NOB1: variants seen among roughly 807,000 people sequenced by gnomAD.
NOB1 encodes RNA-binding protein NOB1.
Under a neutral mutation model 44.8 loss-of-function variants are expected in NOB1, and 44 were observed. The observed-to-expected ratio is 0.98, with a 90% CI of 0.77 to 1.26. The LOEUF is 1.26. Among genes scored for constraint, NOB1 ranks in the 50% most tolerant of loss-of-function variants. NOB1 has a pLI of 0.00. For synonymous variants in NOB1, 238 were observed against 218.7 expected (o/e 1.09, Z -0.78); for missense variants, 560 against 544.8 (o/e 1.03, Z -0.28).
chr16:69,744,034 G>T (rs536781653), intron 8 of NOB1, among the ~76,000 whole-genome samples: 29 of 152,334 alleles, frequency 1.9e-4, no homozygotes, highest in Admixed American at 3.9e-4. Flanking sequence ...CGGGTAAACA[G>T]GAATTATTAG....
At chr16:69,752,172 C>T (rs2038488066) in intron 3 of NOB1, 69 bp downstream of exon 3, 1 of 1,478,956 alleles carries the variant, frequency 6.8e-7, no homozygotes, top group Non-Finnish European at 9.4e-7. Flanking sequence ...TTACACTAGT[C>T]CTTCTACTTT....
intron 2 of NOB1, among the ~76,000 whole-genome samples, chr16:69,754,056 C>CGGTCTCCCA (rs2038504210): frequency 6.6e-6 from 1 of 152,210 alleles, no homozygotes; most frequent in African/African-American, 2.4e-5. Context: ...GCGCCCGCCT[C>CGGTCTCCCA]GGTCTCCCAG....
intron 2 of NOB1, among the ~76,000 whole-genome samples, chr16:69,753,804 T>A (rs188833133): frequency 6.6e-6 from 1 of 152,168 alleles, no homozygotes; most frequent in Admixed American, 6.5e-5. Flanking sequence ...TCTTTAATTT[T>A]CTTTATTTCT....
At chr16:69,754,451 C>T (rs2038507511) in intron 2 of NOB1, 143 bp downstream of exon 2, 1 of 1,173,188 alleles carries the variant, frequency 8.5e-7, no homozygotes, top group Non-Finnish European at 1.2e-6. Flanking sequence ...CAGGAAGCCT[C>T]TCTCCTACCA....
Position 69,753,434 on chromosome 16 carries a change from A to T in NOB1, c.197-1063T>A, listed in dbSNP as rs375240459. Among the ~76,000 whole-genome samples, 8 of 152,354 alleles carry T rather than the reference A, an allele frequency of 5.3e-5. No individual in the cohort carries two copies. The East Asian group carries it at 1.5e-3, about 29-fold the overall frequency. On this transcript the variant is annotated intron_variant, in intron 2 of 8. Coordinates refer to ENST00000268802, the MANE Select transcript of NOB1 (RefSeq NM_014062.3). ...GTCTCCTGCTACCCTGGTACAAGGAACACTAGGTATATTGCTCTTATTTCC... is the reference window on the plus strand; with the variant it reads ...GTCTCCTGCTACCCTGGTACAAGGATCACTAGGTATATTGCTCTTATTTCC...
chr16:69,748,807 G>A lies in NOB1; in HGVS notation c.726+111C>T, dbSNP rs1391740037. ...CACCAAATGGCACAGGTGGTTTCCA[G>A]AACCAGGAAAAGAAGCGCTGCACAG... On this transcript the variant is annotated intron_variant, in intron 6 of 8. Transcript: ENST00000268802. The A allele has an allele frequency of 4.8e-6, 5 of 1,033,810 alleles. No homozygotes were observed. In the Admixed American group the frequency reaches 1.6e-4, roughly 33 times the overall value. 64.0% of individuals were successfully genotyped at this position (1,033,810 alleles called of 1,614,324 possible).
At position 69,749,248 on chromosome 16, in the gene NOB1, A is replaced by G. The variant is rs574694375; in HGVS notation, c.490T>C (p.Leu164=). Reference sequence around the variant, plus strand: ...TGCAGTTCATGATCGATGTTGGGCAAAGGGTTTCTCCAGAACATGAAGGAA... The same window carrying G: ...TGCAGTTCATGATCGATGTTGGGCAGAGGGTTTCTCCAGAACATGAAGGAA... ...FSSFMFWRNP[L]PNIDHELQEL... Residue 164 remains leucine, a synonymous_variant, in exon 5 of 9, where the codon TTG becomes CTG. Coordinates refer to ENST00000268802, the MANE Select transcript of NOB1 (RefSeq NM_014062.3). 274 of 1,613,460 alleles carry G rather than the reference A, an allele frequency of 1.7e-4. No individual in the cohort carries two copies. The highest frequency in any genetic ancestry group is 2.2e-4 in the Non-Finnish European group (258 of 1,179,868).
chr16:69,748,075 G>A (rs2038448149), intron 7 of NOB1, among the ~76,000 whole-genome samples, 157 bp downstream of exon 7: 1 of 152,154 alleles, frequency 6.6e-6, no homozygotes, highest in Non-Finnish European at 1.5e-5. Context: ...TGAGGCAGGA[G>A]AATTGCTTGA....
Position 69,748,872 on chromosome 16 carries a change from C to A in NOB1, c.726+46G>T, listed in dbSNP as rs368177834. 5.0e-5 allele frequency: 75 copies of A among 1,491,088 alleles called. 2 individuals carry two copies. The African/African-American group carries it at 7.6e-4, about 15-fold the overall frequency. The allele number at this position is 1,491,088 out of a possible 1,614,324, so 92.4% of individuals were successfully genotyped here. A position where few individuals can be genotyped will look rare whatever the true frequency, so the allele number is the denominator to read the frequency against. Reference sequence around the variant, plus strand: ...ACATCTGTACACCTCGGTAGGACCACTGCCGATGACGTGTGTGACACACGG... The same window carrying A: ...ACATCTGTACACCTCGGTAGGACCAATGCCGATGACGTGTGTGACACACGG... On this transcript the variant is annotated intron_variant, in intron 6 of 8. Coordinates refer to ENST00000268802, the MANE Select transcript of NOB1 (RefSeq NM_014062.3).
At position 69,754,868 on chromosome 16, in the gene NOB1, GGAAAGCCCCAGCATCCGCCACAACGT is replaced by G. The variant is rs1567645227; in HGVS notation, c.17_42del (p.His6ProfsTer22). 18 of 1,597,930 alleles carry G rather than the reference GGAAAGCCCCAGCATCCGCCACAACGT, an allele frequency of 1.1e-5. No individual in the cohort carries two copies. Among genetic ancestry groups the G allele is most frequent in the Admixed American group, 1.7e-5 (1 of 57,416 alleles). On this transcript the variant is annotated frameshift_variant, in exon 1 of 9. Coordinates refer to ENST00000268802, the MANE Select transcript of NOB1 (RefSeq NM_014062.3). LOFTEE classifies it high-confidence loss of function. ...CGTACCTGCAGAGCCGCATGCCGCA[GGAAAGCCCCAGCATCCGCCACAACGT>G]GCTCCACTGGAGCCATGTTGGCTGC...
intron 2 of NOB1, among the ~76,000 whole-genome samples, chr16:69,753,152 G>T (rs748164923): frequency 6.6e-6 from 1 of 152,164 alleles, no homozygotes; most frequent in Non-Finnish European, 1.5e-5. Flanking sequence ...AACCCAGGAG[G>T]TGGAGGCTGC....
chr16:69,754,600 G>A lies in NOB1; in HGVS notation c.190C>T (p.Arg64Trp), dbSNP rs373593608. ...RFKEPLPEYV[R>W]LVTEFSKKTG... ...CTAGGGCAGAGGCACTCACCCAGCCGCACGTATTCCGGTAAGGGCTCCTTG... is the reference window on the plus strand; with the variant it reads ...CTAGGGCAGAGGCACTCACCCAGCCACACGTATTCCGGTAAGGGCTCCTTG... Residue 64 changes from arginine (R) to tryptophan (W), a missense_variant, in exon 2 of 9, where the codon CGG becomes TGG. Coordinates refer to ENST00000268802, the MANE Select transcript of NOB1 (RefSeq NM_014062.3). 6.8e-6 allele frequency: 11 copies of A among 1,613,944 alleles called. No homozygotes were observed. Among genetic ancestry groups the A allele is most frequent in the Non-Finnish European group, 9.3e-6 (11 of 1,180,034 alleles).
In NOB1 at chr16:69,744,283, G is replaced by A. The variant is rs542579579; in HGVS notation, c.969+590C>T. Among the ~76,000 whole-genome samples the A allele has an allele frequency of 3.3e-4, 50 of 152,324 alleles. 1 individual carries two copies. Among genetic ancestry groups the A allele is most frequent in the African/African-American group, 1.2e-3 (50 of 41,580 alleles). The stretch of plus-strand genomic sequence containing the variant: ...TTCAGTGAGCCAAGATCACGCCACT[G>A]CATTCCAGCCTGGGTGACAGAGTGA... On this transcript the variant is annotated intron_variant, in intron 8 of 8. Coordinates refer to ENST00000268802, the MANE Select transcript of NOB1 (RefSeq NM_014062.3).
chr16:69,751,186 A>G (rs1046963276), intron 3 of NOB1, among the ~76,000 whole-genome samples: 1 of 152,062 alleles, frequency 6.6e-6, no homozygotes, highest in Non-Finnish European at 1.5e-5. Flanking sequence ...CCTGGGCCCA[A>G]GTGATCCTCC....
chr16:69,745,085 G>T, intron 7 of NOB1, 68 bp from the exon 8 acceptor site: 3 of 1,553,802 alleles, frequency 1.9e-6, no homozygotes, highest in East Asian at 4.5e-5. Flanking sequence ...CAGAGCACAA[G>T]GTGGGTCTCG....
chr16:69,749,192 G>A (rs1156659949), intron 5 of NOB1, 21 bp downstream of exon 5: 2 of 1,612,764 alleles, frequency 1.2e-6, no homozygotes, highest in African/African-American at 1.3e-5. Context: ...GTCGTCAGAA[G>A]ACCAAAAGTC....
Position 69,752,327 on chromosome 16 carries a change from C to G in NOB1, c.241G>C (p.Ala81Pro). Residue 81 changes from alanine (A) to proline (P), a missense_variant, in exon 3 of 9, where the codon GCC becomes CCC. Physicochemically the swap from Ala to Pro is conservative, Grantham distance 27. Transcript: ENST00000268802. ...AGTGCAAGCACTTGGATGTCCGTGG[C>G]AGAGAGGCTGGGGTAGTCTCCTGTT... ...KKTGDYPSLS[A>P]TDIQVLALTY... The G allele has an allele frequency of 6.2e-7, 1 of 1,613,900 alleles. No individual in the cohort carries two copies. Among genetic ancestry groups the G allele is most frequent in the Non-Finnish European group, 8.5e-7 (1 of 1,179,848 alleles).
intron 7 of NOB1, 96 bp from the exon 8 acceptor site, chr16:69,745,113 C>T (rs765729068): frequency 4.5e-6 from 6 of 1,322,968 alleles, no homozygotes; most frequent in Non-Finnish European, 6.3e-6. Flanking sequence ...GGAGAAGAAA[C>T]AGGGAAGGGC....
chr16:69,742,586 G>C lies in NOB1; in HGVS notation c.985C>G (p.Pro329Ala). ...PRGLRYSLPT[P>A]KGGKYAINPH... ...TTGATGGCGTATTTGCCCCCTTTGG[G>C]AGTGGGAAGCGAGTACTGGAAATAA... The change falls in exon 9 of 9, where the codon CCC (proline) becomes GCC (alanine). Residue 329 changes from proline to alanine, a missense_variant. Pro to Ala is a conservative substitution (Grantham distance 27). Coordinates refer to ENST00000268802, the MANE Select transcript of NOB1 (RefSeq NM_014062.3). The C allele has an allele frequency of 6.2e-7, 1 of 1,614,078 alleles. No individual in the cohort carries two copies. Among genetic ancestry groups the C allele is most frequent in the Non-Finnish European group, 8.5e-7 (1 of 1,179,994 alleles).
Sources: allele counts gnomAD v4.1 joint callset (sites outside exome capture counted in the v4.1 genomes callset), GRCh38; gene constraint gnomAD v4.1.1; transcripts MANE v1.5; gene names NCBI Gene and HGNC (gene_info 2026-07-23, HGNC 2026-07-21).